Variants in TOGARAM1 observed in about 807,000 individuals in gnomAD.
The protein encoded by TOGARAM1 is TOG array regulator of axonemal microtubules protein 1.
Under a neutral mutation model 166.6 loss-of-function variants are expected in TOGARAM1, and 100 were observed. That is an observed-to-expected ratio of 0.60 (90% confidence interval 0.51 to 0.71). TOGARAM1 has a LOEUF of 0.71. Ranked by LOEUF, TOGARAM1 falls within the 30% of genes least tolerant of loss-of-function variation. The pLI, the probability that TOGARAM1 is intolerant of heterozygous loss-of-function variation, is 0.00. For synonymous variants in TOGARAM1, 758 were observed against 763.8 expected (o/e 0.99, Z 0.13); for missense variants, 2,029 against 2,102.7 (o/e 0.96, Z 0.69).
At chr14:45,004,639 T>G (rs968577736) in intron 4 of TOGARAM1, among the ~76,000 whole-genome samples, 7 of 152,194 alleles carry the variant, frequency 4.6e-5, no homozygotes, top group African/African-American at 1.4e-4. Flanking sequence ...TAAATAGAGA[T>G]AGGGTCCTAC....
At chr14:45,072,262 G>T (rs1340577923) in intron 19 of TOGARAM1, among the ~76,000 whole-genome samples, 1 of 152,146 alleles carries the variant, frequency 6.6e-6, no homozygotes, top group African/African-American at 2.4e-5. Flanking sequence ...TACATGATTT[G>T]TTCCTATGAC....
At position 44,968,859 on chromosome 14, in the gene TOGARAM1, T is replaced by C. The variant is rs940740093; in HGVS notation, c.2046+4392T>C. Among the ~76,000 whole-genome samples the C allele has an allele frequency of 3.3e-5, 5 of 152,306 alleles. 1 individual carries two copies. Among genetic ancestry groups the C allele is most frequent in the Admixed American group, 3.3e-4 (5 of 15,308 alleles). On this transcript the variant is annotated intron_variant, in intron 1 of 19. Transcript: ENST00000361462. ...ATGTCTTGTATCCACCATTATAGTA[T>C]CATAACAATAGTTTCAGTGCCCTAA...
chr14:44,987,151 C>T (rs1036680651), intron 1 of TOGARAM1, among the ~76,000 whole-genome samples: 2 of 151,838 alleles, frequency 1.3e-5, no homozygotes, highest in African/African-American at 4.8e-5. Flanking sequence ...ACCATGTTGG[C>T]CAGGATGGTC....
intron 13 of TOGARAM1, 144 bp from the exon 14 acceptor site, chr14:45,046,401 A>T (rs980164795): frequency 1.7e-6 from 1 of 587,220 alleles, no homozygotes; most frequent in Admixed American, 4.4e-5. Context: ...GCATCACTGC[A>T]TTCCAGCCTC....
intron 16 of TOGARAM1, among the ~76,000 whole-genome samples, chr14:45,057,930 A>T (rs535871971): frequency 5.3e-5 from 8 of 152,318 alleles, no homozygotes; most frequent in Non-Finnish European, 1.2e-4. Flanking sequence ...TTGGGGTCAA[A>T]TGTTCTGTAA....
chr14:45,004,364 A>G lies in TOGARAM1; in HGVS notation c.2642A>G (p.His881Arg), dbSNP rs747762961. 2.5e-6 allele frequency: 4 copies of G among 1,611,556 alleles called. No homozygotes were observed. The South Asian group carries it at 3.3e-5, about 13-fold the overall frequency. The change falls in exon 4 of 20, where the codon CAT becomes CGT. Residue 881 changes from histidine (H) to arginine (R), a missense_variant and splice_region_variant. Transcript: ENST00000361462. The stretch of plus-strand genomic sequence containing the variant: ...TCGTCTGATCCTACGGGTAGAAATC[A>G]TGGTAAAAGTCAATACTTTGTTCAA... Reference protein sequence around the residue: ...QKSSDPTGRNHGENSQEKPPV... With the variant: ...QKSSDPTGRNRGENSQEKPPV...
At chr14:44,976,105 G>C (rs17115721) in intron 1 of TOGARAM1, among the ~76,000 whole-genome samples, 7,050 of 152,044 alleles carry the variant, frequency 0.046, 542 homozygotes, top group African/African-American at 0.16. Context: ...ACCTTTCAGA[G>C]TTCTCAAATC....
At chr14:45,000,854 C>T (rs532833171) in intron 3 of TOGARAM1, among the ~76,000 whole-genome samples, 5 of 152,272 alleles carry the variant, frequency 3.3e-5, no homozygotes, top group African/African-American at 1.2e-4. Context: ...CTACCTCAGC[C>T]TCCCAAGTAG....
rs746031640 is a variant in TOGARAM1, at chr14:44,964,203, A to T, written c.1782A>T (p.Pro594=). 8.7e-5 allele frequency: 140 copies of T among 1,614,078 alleles called. No homozygotes were observed. The highest frequency in any genetic ancestry group is 1.1e-4 in the Non-Finnish European group (131 of 1,180,034). Residue 594 remains proline, a synonymous_variant, in exon 1 of 20, where the codon CCA becomes CCT. Coordinates refer to ENST00000361462, the MANE Select transcript of TOGARAM1 (RefSeq NM_001308120.2). Reference sequence around the variant, plus strand: ...TTGTGGAATATGCAGTACTGATGCCATCTTCTGCCGGGGGTAGGTCAAACC... The same window carrying T: ...TTGTGGAATATGCAGTACTGATGCCTTCTTCTGCCGGGGGTAGGTCAAACC... ...QGFVEYAVLM[P]SSAGGRSNHL...
chr14:45,070,436 G>A (rs149991852), intron 18 of TOGARAM1, among the ~76,000 whole-genome samples: 52 of 152,264 alleles, frequency 3.4e-4, no homozygotes, highest in Non-Finnish European at 6.2e-4. Context: ...CTTGAGGTCT[G>A]CAGCTGTGGT....
chr14:45,005,775 T>C (rs1367916630), intron 4 of TOGARAM1, among the ~76,000 whole-genome samples: 1 of 152,220 alleles, frequency 6.6e-6, no homozygotes, highest in Non-Finnish European at 1.5e-5. Flanking sequence ...TTTATCACTT[T>C]CTCTTAGCAC....
intron 16 of TOGARAM1, among the ~76,000 whole-genome samples, chr14:45,056,479 T>G (rs918084578): frequency 5.9e-5 from 9 of 152,184 alleles, no homozygotes; most frequent in African/African-American, 2.2e-4. Flanking sequence ...TTTTCCTATT[T>G]AGTATGATGT....
intron 4 of TOGARAM1, 122 bp from the exon 5 acceptor site, chr14:45,005,886 C>A: frequency 1.4e-6 from 1 of 710,688 alleles, no homozygotes; most frequent in Non-Finnish European, 2.2e-6. Flanking sequence ...TTGTTCTCCC[C>A]AGTGACCAGC....
In TOGARAM1 at chr14:45,006,375, T is replaced by C; in HGVS notation, c.2904+108T>C. ...TTTTTATCCTATAATATCTTATTTC[T>C]AAAAATATGTTCATTATAGAAAATG... On this transcript the variant is annotated intron_variant, in intron 5 of 19. Transcript: ENST00000361462. 5 of 768,668 alleles carry C rather than the reference T, an allele frequency of 6.5e-6. 1 individual carries two copies. In the South Asian group the frequency reaches 1.1e-4, roughly 18 times the overall value. 47.6% of individuals were successfully genotyped at this position (768,668 alleles called of 1,614,324 possible).
intron 7 of TOGARAM1, among the ~76,000 whole-genome samples, chr14:45,016,126 T>C (rs2138872939): frequency 6.6e-6 from 1 of 152,256 alleles, no homozygotes; most frequent in South Asian, 2.1e-4. Flanking sequence ...CCAGGCACAG[T>C]GGCTGACACC....
At chr14:45,003,818 T>TATACATGCATGTATGTATATGTATACATA (rs1555345509) in intron 3 of TOGARAM1, among the ~76,000 whole-genome samples, 1 of 152,028 alleles carries the variant, frequency 6.6e-6, no homozygotes, top group African/African-American at 2.4e-5. Flanking sequence ...ATTGATAAAA[T>TATACATGCATGTATGTATATGTATACATA]TACAAGGAGA....
At chr14:45,025,589 G>A (rs1880787434) in intron 7 of TOGARAM1, 194 bp from the exon 8 acceptor site, 8 of 423,592 alleles carry the variant, frequency 1.9e-5, no homozygotes, top group Middle Eastern at 1.2e-3. Context: ...AGGAAAGGAA[G>A]GTTTAAGTGC....
intron 6 of TOGARAM1, among the ~76,000 whole-genome samples, chr14:45,011,408 G>A (rs1879784282): frequency 6.6e-6 from 1 of 152,130 alleles, no homozygotes; most frequent in Admixed American, 6.6e-5. Context: ...TGCCTCCTGG[G>A]CTCAGGTGAT....
Position 44,985,403 on chromosome 14 carries a change from C to T in TOGARAM1, c.2047-10343C>T, listed in dbSNP as rs554371386. Reference sequence around the variant, plus strand: ...TCCTTTAACTCAGCAGTCCCCAATCCTTTTGGAATCAGGGACCAGTTTCAT... The same window carrying T: ...TCCTTTAACTCAGCAGTCCCCAATCTTTTTGGAATCAGGGACCAGTTTCAT... On this transcript the variant is annotated intron_variant, in intron 1 of 19. Transcript: ENST00000361462. Among the ~76,000 whole-genome samples the T allele has an allele frequency of 1.9e-3, 283 of 152,252 alleles. 2 individuals are homozygous for T. The highest frequency in any genetic ancestry group is 6.4e-3 in the African/African-American group (266 of 41,562).
Sources: gnomAD v4.1 joint callset for allele counts (sites outside exome capture counted in the v4.1 genomes callset) on GRCh38, gnomAD v4.1.1 for gene constraint, MANE v1.5 for transcripts, NCBI Gene and HGNC (gene_info 2026-07-23, HGNC 2026-07-21) for gene names.